Variants in PIK3R2 observed in about 807,000 individuals in gnomAD.
PIK3R2 encodes the protein phosphoinositide-3-kinase regulatory subunit 2.
Under a neutral mutation model 78.5 loss-of-function variants are expected in PIK3R2, and 40 were observed. The ratio of observed to expected loss-of-function variants is 0.51; its 90% confidence interval spans 0.40 to 0.66. PIK3R2 has a LOEUF of 0.66. Ranked by LOEUF, PIK3R2 falls within the 30% of genes least tolerant of loss-of-function variation. The pLI, the probability that PIK3R2 is intolerant of heterozygous loss-of-function variation, is 0.00. For synonymous variants in PIK3R2, 473 were observed against 457.7 expected, an observed-to-expected ratio of 1.03 and a Z score of -0.43; for missense variants, 880 against 1,026.6, an observed-to-expected ratio of 0.86 and a Z score of 1.95.
chr19:18,169,082 C>A lies in PIK3R2; in HGVS notation c.1980-5C>A. Reference sequence around the variant, plus strand: ...TCCGACTCCCCCTCTCGTCTGCCCCCACAGAGTGGACGGCGACACCAAGCA... The same window carrying A: ...TCCGACTCCCCCTCTCGTCTGCCCCAACAGAGTGGACGGCGACACCAAGCA... On this transcript the variant is annotated splice_polypyrimidine_tract_variant and splice_region_variant and intron_variant, in intron 15 of 15. Transcript: ENST00000222254. 1.2e-6 allele frequency: 2 copies of A among 1,609,252 alleles called. No individual in the cohort carries two copies. Among genetic ancestry groups the A allele is most frequent in the South Asian group, 2.2e-5 (2 of 91,018 alleles).
chr19:18,162,941 G>A (rs2147952705), intron 9 of PIK3R2, 26 bp from the exon 10 acceptor site: 1 of 1,607,434 alleles, frequency 6.2e-7, no homozygotes, highest in Non-Finnish European at 8.5e-7. Context: ...GTCCCACTGG[G>A]TGCCGACACC....
At position 18,162,970 on chromosome 19, in the gene PIK3R2, A is replaced by G. The variant is rs2147952796; in HGVS notation, c.1113A>G (p.Lys371=). ...CGACACCCCTCTCCTCCCCCAGGAA[A>G]GGCGGGAACAATAAGCTGATCAAGG... ...IQGEYTLTLR[K]GGNNKLIKVF... The change falls in exon 10 of 16, where the codon AAA becomes AAG. Residue 371 remains lysine, a synonymous_variant. Coordinates refer to ENST00000222254, the MANE Select transcript of PIK3R2 (RefSeq NM_005027.4). The G allele has an allele frequency of 6.2e-7, 1 of 1,612,624 alleles. No individual in the cohort carries two copies. The highest frequency in any genetic ancestry group is 8.5e-7 in the Non-Finnish European group (1 of 1,179,126).
In PIK3R2 at chr19:18,156,173, C is replaced by G. The variant is rs545913434; in HGVS notation, c.294C>G (p.Ala98=). 1.4e-6 allele frequency: 2 copies of G among 1,455,476 alleles called. No individual in the cohort carries two copies. Among genetic ancestry groups the G allele is most frequent in the South Asian group, 3.0e-5 (2 of 67,694 alleles). The allele number at this position is 1,455,476 out of a possible 1,614,324, so 90.2% of individuals were successfully genotyped here. ...PRPRGPRPLP[A]RPRDGAPEPG... is the part of the protein sequence containing the mutation. ...CACGGGGCCCCCGCCCACTGCCCGC[C>G]AGGCCCCGTGATGGGGCCCCTGAGC... The change falls in exon 2 of 16, where the codon GCC becomes GCG. Residue 98 remains alanine (A), a synonymous_variant. Transcript: ENST00000222254. The surrounding 1 kb of genome is among the most constrained non-coding windows in gnomAD (Gnocchi z 4.2).
At position 18,156,913 on chromosome 19, in the gene PIK3R2, C is replaced by CCAGCCCCACCCTCTGAATCTTCCA. The variant is rs2147946109; in HGVS notation, c.322+712_322+713insCAGCCCCACCCTCTGAATCTTCCA. Among the ~76,000 whole-genome samples the CCAGCCCCACCCTCTGAATCTTCCA allele has an allele frequency of 6.6e-6, 1 of 152,120 alleles. No homozygotes were observed. Among genetic ancestry groups the CCAGCCCCACCCTCTGAATCTTCCA allele is most frequent in the East Asian group, 1.9e-4 (1 of 5,184 alleles). Reference sequence around the variant, plus strand: ...ATGGGCAGGGAGTGTGGGCTCTGGCCGGGGAAACTGTGGCCCAGGTTGCAA... The same window carrying CCAGCCCCACCCTCTGAATCTTCCA: ...ATGGGCAGGGAGTGTGGGCTCTGGCCCAGCCCCACCCTCTGAATCTTCCAGGGGAAACTGTGGCCCAGGTTGCAA... On this transcript the variant is annotated intron_variant, in intron 2 of 15. Coordinates refer to ENST00000222254, the MANE Select transcript of PIK3R2 (RefSeq NM_005027.4). This position sits in a 1 kb window ranked among gnomAD's most constrained non-coding sequence, Gnocchi z 4.2.
chr19:18,157,839 C>T (rs1443800270), intron 2 of PIK3R2, among the ~76,000 whole-genome samples: 2 of 152,002 alleles, frequency 1.3e-5, no homozygotes, highest in Admixed American at 6.5e-5. Context: ...CCGGCTTGCC[C>T]CTGCTGTGTG....
chr19:18,168,441 A>C lies in PIK3R2; in HGVS notation c.1737-34A>C. On this transcript the variant is annotated intron_variant, in intron 13 of 15. Coordinates refer to ENST00000222254, the MANE Select transcript of PIK3R2 (RefSeq NM_005027.4). The surrounding 1 kb of genome is among the most constrained non-coding windows in gnomAD (Gnocchi z 4.1). ...CCACTGTGGGCTCAGCACCCACACAACTGCACAAGCCCACCTTTCCTGTTC... is the reference window on the plus strand; with the variant it reads ...CCACTGTGGGCTCAGCACCCACACACCTGCACAAGCCCACCTTTCCTGTTC... 2.6e-6 allele frequency: 2 copies of C among 774,730 alleles called. No individual in the cohort carries two copies. The highest frequency in any genetic ancestry group is 4.8e-6 in the Non-Finnish European group (2 of 415,384). 48.0% of individuals were successfully genotyped at this position (774,730 alleles called of 1,614,324 possible). A position where few individuals can be genotyped will look rare whatever the true frequency, so the allele number is the denominator to read the frequency against.
chr19:18,163,714 C>T (rs2043777468), intron 11 of PIK3R2, among the ~76,000 whole-genome samples: 1 of 152,150 alleles, frequency 6.6e-6, no homozygotes, highest in South Asian at 2.1e-4. Flanking sequence ...CCCAGCTACT[C>T]AGGAGGCTGA....
At chr19:18,154,968 C>T (rs2173006) in intron 1 of PIK3R2, among the ~76,000 whole-genome samples, 51,339 of 150,706 alleles carry the variant, frequency 0.34, 9,227 homozygotes, top group Middle Eastern at 0.42. Flanking sequence ...AATCCCAGCA[C>T]TTTGGGAGGC....
At chr19:18,160,693 C>T in intron 3 of PIK3R2, 130 bp downstream of exon 3, 3 of 909,734 alleles carry the variant, frequency 3.3e-6, no homozygotes, top group South Asian at 1.5e-5. Context: ...CCCTGGGCCT[C>T]TATGTTGAAT....
At chr19:18,162,571 G>A (rs1177006953) in intron 9 of PIK3R2, 65 bp downstream of exon 9, 1 of 1,386,726 alleles carries the variant, frequency 7.2e-7, no homozygotes, top group Non-Finnish European at 1.0e-6. Flanking sequence ...AGTTCAGAGG[G>A]GATAGAACAT....
At chr19:18,155,379 T>G in intron 1 of PIK3R2, 78 bp from the exon 2 acceptor site, 2 of 360,472 alleles carry the variant, frequency 5.5e-6, no homozygotes, top group Non-Finnish European at 9.9e-6. Flanking sequence ...GAATTCCAAA[T>G]CAGGATTTGG....
intron 9 of PIK3R2, 50 bp downstream of exon 9, chr19:18,162,556 C>T (rs1465364993): frequency 4.6e-6 from 7 of 1,505,906 alleles, no homozygotes; most frequent in Middle Eastern, 1.7e-4. Flanking sequence ...GTCACAGAGA[C>T]CGGGAGTTCA....
chr19:18,167,430 T>G lies in PIK3R2; in HGVS notation c.1736+124T>G. On this transcript the variant is annotated intron_variant, in intron 13 of 15. Coordinates refer to ENST00000222254, the MANE Select transcript of PIK3R2 (RefSeq NM_005027.4). This position sits in a 1 kb window ranked among gnomAD's most constrained non-coding sequence, Gnocchi z 4.5. ...GCCCTTCCTGGGCCCCGAGACCCCT[T>G]AAACTCGGTTCCTCCCGGGCCCCTT... 1.3e-6 allele frequency: 1 copy of G among 778,264 alleles called. No homozygotes were observed. The highest frequency in any genetic ancestry group is 1.9e-6 in the Non-Finnish European group (1 of 528,128). 48.2% of individuals were successfully genotyped at this position (778,264 alleles called of 1,614,324 possible).
intron 2 of PIK3R2, among the ~76,000 whole-genome samples, chr19:18,157,606 G>C (rs950385219): frequency 6.6e-6 from 1 of 152,128 alleles, no homozygotes; most frequent in East Asian, 1.9e-4. Context: ...CTGCAAAGTC[G>C]GGGTGATGCA....
rs1420201001 is a variant in PIK3R2 at position 18,156,600 on chromosome 19, T to C, written c.322+399T>C. ...CGCTGGCATGGAGGACTTAGTGGGATTGATTTTGAGGACAATGGAGAGTGT... is the reference window on the plus strand; with the variant it reads ...CGCTGGCATGGAGGACTTAGTGGGACTGATTTTGAGGACAATGGAGAGTGT... On this transcript the variant is annotated intron_variant, in intron 2 of 15. Transcript: ENST00000222254. This position sits in a 1 kb window ranked among gnomAD's most constrained non-coding sequence, Gnocchi z 4.2. Among the ~76,000 whole-genome samples the C allele has an allele frequency of 6.6e-6, 1 of 151,932 alleles. No individual in the cohort carries two copies. Among genetic ancestry groups the C allele is most frequent in the Non-Finnish European group, 1.5e-5 (1 of 67,956 alleles).
Position 18,168,522 on chromosome 19 carries a change from T to C in PIK3R2, c.1784T>C (p.Leu595Pro), listed in dbSNP as rs1355538848. 1.3e-6 allele frequency: 1 copy of C among 781,156 alleles called. No individual in the cohort carries two copies. The highest frequency in any genetic ancestry group is 2.4e-6 in the Non-Finnish European group (1 of 418,584). 48.4% of individuals were successfully genotyped at this position (781,156 alleles called of 1,614,324 possible). A position where few individuals can be genotyped will look rare whatever the true frequency, so the allele number is the denominator to read the frequency against. Residue 595 changes from leucine (L) to proline (P), a missense_variant, in exon 14 of 16, where the codon CTG becomes CCG. Coordinates refer to ENST00000222254, the MANE Select transcript of PIK3R2 (RefSeq NM_005027.4). This position sits in a 1 kb window ranked among gnomAD's most constrained non-coding sequence, Gnocchi z 4.1. ...CGGCAGAAGAAAATCAACGAGTGGC[T>C]GGGGATTAAAAATGAGACTGAGGAG... ...GARQKKINEW[L>P]GIKNETEDQY...
At chr19:18,164,125 TA>T (rs2043782600) in intron 11 of PIK3R2, among the ~76,000 whole-genome samples, 1 of 151,840 alleles carries the variant, frequency 6.6e-6, no homozygotes, top group African/African-American at 2.4e-5. Context: ...AAACTCCATC[TA>T]AAAAAATAAT....
At chr19:18,154,361 C>G (rs998203525) in intron 1 of PIK3R2, among the ~76,000 whole-genome samples, 5 of 152,126 alleles carry the variant, frequency 3.3e-5, no homozygotes, top group Non-Finnish European at 5.9e-5. Flanking sequence ...CTCCCTGTCC[C>G]TGCCTGGGGC....
Position 18,161,346 on chromosome 19 carries a change from G to A in PIK3R2, c.666G>A (p.Leu222=). The A allele has an allele frequency of 3.8e-6, 5 of 1,324,366 alleles. No individual in the cohort carries two copies. The highest frequency in any genetic ancestry group is 4.8e-6 in the Non-Finnish European group (5 of 1,040,794). The allele number at this position is 1,324,366 out of a possible 1,614,324, so 82.0% of individuals were successfully genotyped here. The stretch of plus-strand genomic sequence containing the variant: ...TGCCGCTGCACCGCGCGCTCACGCT[G>A]CGCTTCCTGCTCCAGCACCTGGGCC... ...PTLPLHRALT[L]RFLLQHLGRV... is the part of the protein sequence containing the mutation. Residue 222 remains leucine (L), a synonymous_variant, in exon 6 of 16, where the codon CTG becomes CTA. Transcript: ENST00000222254. This position sits in a 1 kb window ranked among gnomAD's most constrained non-coding sequence, Gnocchi z 5.3.
Sources: gnomAD v4.1 joint callset for allele counts (sites outside exome capture counted in the v4.1 genomes callset) on GRCh38, gnomAD v4.1.1 for gene constraint, Gnocchi (gnomAD v3.1) non-coding constraint, MANE v1.5 for transcripts, NCBI Gene and HGNC (gene_info 2026-07-23, HGNC 2026-07-21) for gene names.